The following FSTL5 variants were observed in gnomAD, a reference collection of about 807,000 sequenced individuals.
FSTL5 encodes the protein follistatin like 5, also known as follistatin-related protein 5.
A neutral mutation model predicts 89.1 loss-of-function variants in FSTL5; 62 were observed. The observed-to-expected ratio is 0.70, with a 90% CI of 0.57 to 0.86. FSTL5 has a LOEUF of 0.86. FSTL5 is among the 40% of genes least tolerant of loss of function. The probability of loss-of-function intolerance (pLI) is 0.00; values close to 1 mark genes in which losing one functional copy is unlikely to be tolerated. For missense variants in FSTL5, 1,057 were observed against 1,001.6 expected (o/e 1.06, Z -0.75); for synonymous variants, 383 against 346.2 (o/e 1.11, Z -1.18).
chr4:162,143,856 CAG>C (rs1732860982), intron 1 of FSTL5, among the ~76,000 whole-genome samples: 1 of 151,300 alleles, frequency 6.6e-6, no homozygotes, highest in Non-Finnish European at 1.5e-5. Context: ...AATACCTTTG[CAG>C]AGTTTCCAAG....
chr4:161,745,073 A>T (rs539010446), intron 6 of FSTL5, among the ~76,000 whole-genome samples: 41 of 152,194 alleles, frequency 2.7e-4, no homozygotes, highest in Admixed American at 7.2e-4. Flanking sequence ...AATAAATAAA[A>T]AAAATAAAAC....
chr4:161,717,408 C>A (rs1187335163), intron 6 of FSTL5, among the ~76,000 whole-genome samples: 1 of 152,130 alleles, frequency 6.6e-6, no homozygotes, highest in Non-Finnish European at 1.5e-5. Flanking sequence ...TTTCCAGTGG[C>A]AGTGGGCTTT....
rs1000458567 is a variant in FSTL5, at chr4:161,481,097, C to T, written c.1531G>A (p.Asp511Asn). The change falls in exon 13 of 16, where the codon GAC becomes AAC. Residue 511 changes from aspartate to asparagine, a missense_variant. By Grantham distance (23) the Asp-to-Asn change is conservative. Coordinates refer to ENST00000306100, the MANE Select transcript of FSTL5 (RefSeq NM_020116.5). ...CVWASAVNVK[D>N]KFIYVAQPTL... ...GGCTGTGCAACATAAATGAACTTGTCTTTGACATTAACAGCTGATGCCCAC... is the reference window on the plus strand; with the variant it reads ...GGCTGTGCAACATAAATGAACTTGTTTTTGACATTAACAGCTGATGCCCAC... 6.2e-7 allele frequency: 1 copy of T among 1,613,170 alleles called. No homozygotes were observed. Among genetic ancestry groups the T allele is most frequent in the Non-Finnish European group, 8.5e-7 (1 of 1,179,394 alleles).
intron 4 of FSTL5, among the ~76,000 whole-genome samples, chr4:161,902,173 G>T (rs1228393581): frequency 6.6e-6 from 1 of 152,026 alleles, no homozygotes; most frequent in African/African-American, 2.4e-5. Flanking sequence ...CTTTAATGAA[G>T]ACTGTACCTA....
chr4:161,942,412 T>C (rs900153846), intron 3 of FSTL5, among the ~76,000 whole-genome samples: 3 of 151,772 alleles, frequency 2.0e-5, no homozygotes, highest in Non-Finnish European at 4.4e-5. Context: ...AAAAGAAGAT[T>C]CAAATTATTA....
chr4:161,449,734 C>T (rs1208960611), intron 15 of FSTL5, among the ~76,000 whole-genome samples: 7 of 149,412 alleles, frequency 4.7e-5, no homozygotes, highest in Non-Finnish European at 3.0e-5. Flanking sequence ...CATAATACAT[C>T]TTTTTTTTTT....
At chr4:162,142,612 C>T (rs564841129) in intron 1 of FSTL5, among the ~76,000 whole-genome samples, 1 of 151,990 alleles carries the variant, frequency 6.6e-6, no homozygotes, top group African/African-American at 2.4e-5. Context: ...TAAAAATGAT[C>T]CAGGACAGTG....
At chr4:161,727,789 T>G (rs1275499725) in intron 6 of FSTL5, among the ~76,000 whole-genome samples, 1 of 152,084 alleles carries the variant, frequency 6.6e-6, no homozygotes, top group Non-Finnish European at 1.5e-5. Flanking sequence ...AAATAAAAAG[T>G]GTAAATATAA....
intron 1 of FSTL5, among the ~76,000 whole-genome samples, chr4:162,144,714 ACAGAAAAGCAAAGAGAATTAGG>A (rs1219411686): frequency 6.6e-6 from 1 of 152,154 alleles, no homozygotes; most frequent in Non-Finnish European, 1.5e-5. Context: ...AGATACCAAT[ACAGAAAAGCAAAGAGAATTAGG>A]TGAAATATGG....
intron 1 of FSTL5, among the ~76,000 whole-genome samples, chr4:162,144,978 C>A (rs1446776698): frequency 2.0e-5 from 3 of 147,928 alleles, no homozygotes. Flanking sequence ...ACAATGAATA[C>A]AATATATATT....
At chr4:162,161,232 C>T (rs971709458) in intron 1 of FSTL5, among the ~76,000 whole-genome samples, 8 of 151,672 alleles carry the variant, frequency 5.3e-5, no homozygotes, top group African/African-American at 1.9e-4. Flanking sequence ...CATTGTAACT[C>T]CAAAATACGG....
At chr4:161,638,002 A>G (rs564042430) in intron 7 of FSTL5, among the ~76,000 whole-genome samples, 1 of 152,214 alleles carries the variant, frequency 6.6e-6, no homozygotes, top group East Asian at 1.9e-4. Flanking sequence ...TCTGTGAAGA[A>G]AATCACTGGT....
chr4:161,898,545 T>C (rs1369808940), intron 4 of FSTL5, among the ~76,000 whole-genome samples: 1 of 152,076 alleles, frequency 6.6e-6, no homozygotes, highest in Non-Finnish European at 1.5e-5. Context: ...TGTTTTGGTA[T>C]CTAATTGTCA....
chr4:161,874,402 G>T (rs1053671534), intron 4 of FSTL5, among the ~76,000 whole-genome samples: 1 of 151,772 alleles, frequency 6.6e-6, no homozygotes. Flanking sequence ...TCACAATCAT[G>T]TATTTTGGGG....
chr4:161,477,775 T>A (rs1382156173), intron 13 of FSTL5, among the ~76,000 whole-genome samples: 1 of 151,964 alleles, frequency 6.6e-6, no homozygotes, highest in Non-Finnish European at 1.5e-5. Flanking sequence ...AGGAACTTAT[T>A]CAAGAAATAC....
rs75313984 is a variant in FSTL5, at chr4:161,464,906, G to A, written c.1609-5587C>T. On this transcript the variant is annotated intron_variant, in intron 13 of 15. Coordinates refer to ENST00000306100, the MANE Select transcript of FSTL5 (RefSeq NM_020116.5). ...TTATACAACCTGGCTCTTTTAATGA[G>A]GTATTTTACAGACACCTTATTTGTA... Among the ~76,000 whole-genome samples, 1,451 of 151,990 alleles carry A rather than the reference G, an allele frequency of 9.5e-3. 13 individuals are homozygous for A. The highest frequency in any genetic ancestry group is 0.012 in the Non-Finnish European group (830 of 67,968).
At chr4:161,493,452 A>G (rs116438633) in intron 12 of FSTL5, among the ~76,000 whole-genome samples, 4,783 of 151,786 alleles carry the variant, frequency 0.032, 245 homozygotes, top group African/African-American at 0.1. Flanking sequence ...AAAATCTTTT[A>G]TTTTATTTTA....
intron 4 of FSTL5, among the ~76,000 whole-genome samples, chr4:161,777,243 G>GTATATATA (rs4065063): frequency 0.26 from 37,028 of 144,538 alleles, 5,606 homozygotes; most frequent in Non-Finnish European, 0.36. Flanking sequence ...ATTTCATTGT[G>GTATATATA]TATATATATA....
chr4:161,694,824 T>G (rs2126723491), intron 6 of FSTL5, among the ~76,000 whole-genome samples: 1 of 149,458 alleles, frequency 6.7e-6, no homozygotes, highest in Non-Finnish European at 1.5e-5. Context: ...ATTTGCTTAG[T>G]GTTTGTTTTC....
Sources: allele counts gnomAD v4.1 joint callset (sites outside exome capture counted in the v4.1 genomes callset), GRCh38; gene constraint gnomAD v4.1.1; transcripts MANE v1.5; gene names NCBI Gene and HGNC (gene_info 2026-07-23, HGNC 2026-07-21).